Variants in FKBP4 observed in about 807,000 individuals in gnomAD.
The protein encoded by FKBP4 is FKBP prolyl isomerase 4.
In FKBP4, 28 loss-of-function variants were observed where a neutral mutation model predicts 54.1. That is an observed-to-expected ratio of 0.52 (90% CI 0.38 to 0.71). FKBP4 has a LOEUF of 0.71. FKBP4 is among the 30% of genes least tolerant of loss of function. FKBP4 has a pLI of 0.00. For missense variants in FKBP4, 493 were observed against 574.4 expected (o/e 0.86, Z 1.45); for synonymous variants, 223 against 216.1 (o/e 1.03, Z -0.28).
chr12:2,797,317 G>A (rs200002355), intron 2 of FKBP4, 35 bp downstream of exon 2: 7 of 1,611,784 alleles, frequency 4.3e-6, no homozygotes, highest in Admixed American at 1.7e-5. Flanking sequence ...GGATAGGTTC[G>A]AGGTGGACAC....
chr12:2,795,187 G>A lies in FKBP4; in HGVS notation c.48G>A (p.Ala16=). The change falls in exon 1 of 10, where the codon GCG becomes GCA. Residue 16 remains alanine, a synonymous_variant. Coordinates refer to ENST00000001008, the MANE Select transcript of FKBP4 (RefSeq NM_002014.4). This position sits in a 1 kb window ranked among gnomAD's most constrained non-coding sequence, Gnocchi z 4.3. ...MKATESGAQS[A]PLPMEGVDIS... ...CGACCGAGAGCGGGGCGCAGTCGGC[G>A]CCGCTGCCCATGGAGGGAGTGGACA... The A allele has an allele frequency of 7.6e-7, 1 of 1,323,332 alleles. No individual in the cohort carries two copies. Among genetic ancestry groups the A allele is most frequent in the South Asian group, 2.7e-5 (1 of 36,592 alleles). The allele number at this position is 1,323,332 out of a possible 1,614,324, so 82.0% of individuals were successfully genotyped here.
chr12:2,799,806 T>C, intron 5 of FKBP4, 44 bp from the exon 6 acceptor site: 1 of 1,530,152 alleles, frequency 6.5e-7, no homozygotes, highest in Non-Finnish European at 9.0e-7. Context: ...CTGGAGCAGG[T>C]TAAGTGTTGC....
chr12:2,796,185 C>T, intron 1 of FKBP4: 2 of 1,282,734 alleles, frequency 1.6e-6, no homozygotes, highest in Non-Finnish European at 1.0e-6. Context: ...TCCTGGCTTC[C>T]CACCGCTGAG....
At position 2,805,118 on chromosome 12, in the gene FKBP4, C is replaced by A; in HGVS notation, c.*1860C>A. 2.2e-6 allele frequency: 1 copy of A among 454,778 alleles called. No homozygotes were observed. Among genetic ancestry groups the A allele is most frequent in the Non-Finnish European group, 4.4e-6 (1 of 226,196 alleles). 28.2% of individuals were successfully genotyped at this position (454,778 alleles called of 1,614,324 possible). A position where few individuals can be genotyped will look rare whatever the true frequency, so the allele number is the denominator to read the frequency against. On this transcript the variant is annotated 3_prime_UTR_variant, in exon 10 of 10. Coordinates refer to ENST00000001008, the MANE Select transcript of FKBP4 (RefSeq NM_002014.4). ...AGCATCACATGAGTGAAACTGAATC[C>A]TTGCAACCATCCTACAAAGAAGGTA...
chr12:2,795,292 G>A lies in FKBP4; in HGVS notation c.105+48G>A, dbSNP rs749765195. 6 of 1,076,258 alleles carry A rather than the reference G, an allele frequency of 5.6e-6. No homozygotes were observed. The highest frequency in any genetic ancestry group is 4.1e-5 in the East Asian group (1 of 24,396). The allele number at this position is 1,076,258 out of a possible 1,614,324, so 66.7% of individuals were successfully genotyped here. On this transcript the variant is annotated intron_variant, in intron 1 of 9. Coordinates refer to ENST00000001008, the MANE Select transcript of FKBP4 (RefSeq NM_002014.4). The surrounding 1 kb of genome is among the most constrained non-coding windows in gnomAD (Gnocchi z 4.3). ...GAGGCGTCGGAACCCGGGGCCCCGC[G>A]GGCCGCCCTTCCGCCGCGCCCGGAG...
rs1373742590 is a variant in FKBP4 at position 2,795,450 on chromosome 12, G to A, written c.105+206G>A. Among the ~76,000 whole-genome samples the A allele has an allele frequency of 2.0e-5, 3 of 147,588 alleles. No homozygotes were observed. The highest frequency in any genetic ancestry group is 3.0e-5 in the Non-Finnish European group (2 of 66,190). On this transcript the variant is annotated intron_variant, in intron 1 of 9. Coordinates refer to ENST00000001008, the MANE Select transcript of FKBP4 (RefSeq NM_002014.4). This position sits in a 1 kb window ranked among gnomAD's most constrained non-coding sequence, Gnocchi z 4.3. Reference sequence around the variant, plus strand: ...CGAGGCCGGCCATGCGCTCGGCAGGGGGGCGGCCTAGGTGCGCGGGCCGAG... The same window carrying A: ...CGAGGCCGGCCATGCGCTCGGCAGGAGGGCGGCCTAGGTGCGCGGGCCGAG...
At position 2,795,541 on chromosome 12, in the gene FKBP4, C is replaced by T. The variant is rs2097901209; in HGVS notation, c.105+297C>T. On this transcript the variant is annotated intron_variant, in intron 1 of 9. Coordinates refer to ENST00000001008, the MANE Select transcript of FKBP4 (RefSeq NM_002014.4). This position sits in a 1 kb window ranked among gnomAD's most constrained non-coding sequence, Gnocchi z 4.3. ...GGGGTCGGGATTGCAGTGCCCACCCCGGCGCGCGCGGGGCGGCGGAGAGGG... is the reference window on the plus strand; with the variant it reads ...GGGGTCGGGATTGCAGTGCCCACCCTGGCGCGCGCGGGGCGGCGGAGAGGG... 6.8e-6 allele frequency: 1 copy of T among 146,354 alleles called. No individual in the cohort carries two copies. Among genetic ancestry groups the T allele is most frequent in the Non-Finnish European group, 1.5e-5 (1 of 65,826 alleles). The allele number at this position is 146,354 out of a possible 1,614,324, so 9.1% of individuals were successfully genotyped here. A position where few individuals can be genotyped will look rare whatever the true frequency, so the allele number is the denominator to read the frequency against.
Position 2,795,538 on chromosome 12 carries a change from C to T in FKBP4, c.105+294C>T, listed in dbSNP as rs954251943. 2.7e-5 allele frequency: 4 copies of T among 145,822 alleles called. No individual in the cohort carries two copies. The highest frequency in any genetic ancestry group is 9.9e-5 in the African/African-American group (4 of 40,580). The allele number at this position is 145,822 out of a possible 1,614,324, so 9.0% of individuals were successfully genotyped here. On this transcript the variant is annotated intron_variant, in intron 1 of 9. Transcript: ENST00000001008. This position sits in a 1 kb window ranked among gnomAD's most constrained non-coding sequence, Gnocchi z 4.3. The stretch of plus-strand genomic sequence containing the variant: ...CAGGGGGTCGGGATTGCAGTGCCCA[C>T]CCCGGCGCGCGCGGGGCGGCGGAGA...
At chr12:2,799,386 T>C (rs2097903570) in intron 5 of FKBP4, 142 bp downstream of exon 5, 2 of 901,190 alleles carry the variant, frequency 2.2e-6, no homozygotes, top group East Asian at 2.9e-5. Flanking sequence ...TCAGTGTACT[T>C]AGAAGTATGG....
In FKBP4 at chr12:2,804,378, G is replaced by T. The variant is rs2097906452; in HGVS notation, c.*1120G>T. The T allele has an allele frequency of 6.6e-6, 1 of 152,234 alleles. No individual in the cohort carries two copies. Among genetic ancestry groups the T allele is most frequent in the African/African-American group, 2.4e-5 (1 of 41,456 alleles). 9.4% of individuals were successfully genotyped at this position (152,234 alleles called of 1,614,324 possible). A position where few individuals can be genotyped will look rare whatever the true frequency, so the allele number is the denominator to read the frequency against. ...TTGTTAACAAGGTAAAACTCCTGGT[G>T]TCACTGACCTCCTCCTGTCAGATAA... On this transcript the variant is annotated 3_prime_UTR_variant, in exon 10 of 10. Transcript: ENST00000001008.
chr12:2,799,296 GAT>G, intron 5 of FKBP4, 52 bp downstream of exon 5: 1 of 1,456,236 alleles, frequency 6.9e-7, no homozygotes, highest in Non-Finnish European at 9.1e-7. Flanking sequence ...CAAGATCAAA[GAT>G]ATAAAATGAA....
At position 2,800,078 on chromosome 12, in the gene FKBP4, G is replaced by A. The variant is rs776731509; in HGVS notation, c.802G>A (p.Glu268Lys). The change falls in exon 7 of 10, where the codon GAA (glutamate) becomes AAA (lysine). Residue 268 changes from glutamate to lysine, a missense_variant. Glu to Lys is a moderately conservative substitution (Grantham distance 56). Coordinates refer to ENST00000001008, the MANE Select transcript of FKBP4 (RefSeq NM_002014.4). ...GGAGATGAATTCAGAAGAGAAGCTG[G>A]AACAGAGCACCATAGTGAAAGAGCG... ...SWEMNSEEKL[E>K]QSTIVKERGT... is the part of the protein sequence containing the mutation. The A allele has an allele frequency of 6.2e-7, 1 of 1,613,910 alleles. No individual in the cohort carries two copies. The highest frequency in any genetic ancestry group is 8.5e-7 in the Non-Finnish European group (1 of 1,180,040).
intron 6 of FKBP4, 21 bp from the exon 7 acceptor site, chr12:2,800,018 T>C: frequency 1.2e-6 from 2 of 1,614,158 alleles, no homozygotes; most frequent in African/African-American, 1.3e-5. Context: ...ACAACTTTGT[T>C]TCTCTCCTGG....
rs1307360769 is a variant in FKBP4 at position 2,795,826 on chromosome 12, C to T, written c.105+582C>T. 25 of 411,094 alleles carry T rather than the reference C, an allele frequency of 6.1e-5. No homozygotes were observed. Among genetic ancestry groups the T allele is most frequent in the Non-Finnish European group, 7.9e-5 (24 of 303,852 alleles). The allele number at this position is 411,094 out of a possible 1,614,324, so 25.5% of individuals were successfully genotyped here. ...AGGGTTCCGGCGCCCTCCCGGGGTC[C>T]CCTGCCGACGCCGGGACCCAGCGAG... On this transcript the variant is annotated intron_variant, in intron 1 of 9. Transcript: ENST00000001008. This position sits in a 1 kb window ranked among gnomAD's most constrained non-coding sequence, Gnocchi z 4.3.
Position 2,798,903 on chromosome 12 carries a change from G to A in FKBP4, c.514+77G>A, listed in dbSNP as rs557251362. On this transcript the variant is annotated intron_variant, in intron 4 of 9. Coordinates refer to ENST00000001008, the MANE Select transcript of FKBP4 (RefSeq NM_002014.4). The surrounding 1 kb of genome is among the most constrained non-coding windows in gnomAD (Gnocchi z 4.3). ...GTGTGGCTTTGGGCAAGACACTTCCGTTCTCCGAGCCTATCTTCTTGTCCA... is the reference window on the plus strand; with the variant it reads ...GTGTGGCTTTGGGCAAGACACTTCCATTCTCCGAGCCTATCTTCTTGTCCA... The A allele has an allele frequency of 6.6e-6, 10 of 1,519,664 alleles. No homozygotes were observed. Among genetic ancestry groups the A allele is most frequent in the Middle Eastern group, 1.7e-4 (1 of 5,788 alleles). 94.1% of individuals were successfully genotyped at this position (1,519,664 alleles called of 1,614,324 possible).
At chr12:2,800,625 G>T in intron 8 of FKBP4, 48 bp downstream of exon 8, 1 of 1,523,782 alleles carries the variant, frequency 6.6e-7, no homozygotes, top group South Asian at 1.3e-5. Flanking sequence ...AGGCAGAGTT[G>T]GGTGAGCTGC....
At position 2,804,940 on chromosome 12, in the gene FKBP4, C is replaced by T; in HGVS notation, c.*1682C>T. On this transcript the variant is annotated 3_prime_UTR_variant, in exon 10 of 10. Transcript: ENST00000001008. ...TTTTAAAAAAGTCCCTGTGTAACTG[C>T]TTTCTTACTGGGCTTACCTCACATC... 1 of 234,012 alleles carries T rather than the reference C, an allele frequency of 4.3e-6. No homozygotes were observed. The highest frequency in any genetic ancestry group is 8.7e-6 in the Non-Finnish European group (1 of 115,342). 14.5% of individuals were successfully genotyped at this position (234,012 alleles called of 1,614,324 possible).
intron 9 of FKBP4, chr12:2,801,893 A>T: frequency 4.9e-6 from 1 of 205,932 alleles, no homozygotes; most frequent in Non-Finnish European, 1.0e-5. Flanking sequence ...TGGATGGTCC[A>T]GTGTATTGCG....
chr12:2,798,603 A>G lies in FKBP4; in HGVS notation c.394-103A>G. ...TCCTTGTGACTGCCCTTGTGGTCAG[A>G]TCCGGCCTGGCAGTTAGTAGGGACT... On this transcript the variant is annotated intron_variant, in intron 3 of 9. Coordinates refer to ENST00000001008, the MANE Select transcript of FKBP4 (RefSeq NM_002014.4). This position sits in a 1 kb window ranked among gnomAD's most constrained non-coding sequence, Gnocchi z 4.3. The G allele has an allele frequency of 6.3e-7, 1 of 1,579,776 alleles. No individual in the cohort carries two copies. Among genetic ancestry groups the G allele is most frequent in the Non-Finnish European group, 8.6e-7 (1 of 1,160,640 alleles).
Sources: allele counts gnomAD v4.1 joint callset (sites outside exome capture counted in the v4.1 genomes callset), GRCh38; gene constraint gnomAD v4.1.1; non-coding constraint Gnocchi (gnomAD v3.1); transcripts MANE v1.5; gene names NCBI Gene and HGNC (gene_info 2026-07-23, HGNC 2026-07-21).